ZNF385D: variants seen among roughly 807,000 people sequenced by gnomAD.
ZNF385D encodes the protein zinc finger protein 385D.
In ZNF385D, 15 loss-of-function variants were observed where a neutral mutation model predicts 35.8. The ratio of observed to expected loss-of-function variants is 0.42; its 90% CI spans 0.28 to 0.64. The LOEUF is 0.64. ZNF385D is among the 30% of genes least tolerant of loss of function. The pLI, the probability that ZNF385D is intolerant of heterozygous loss-of-function variation, is 0.23. For synonymous variants in ZNF385D, 212 were observed against 186.8 expected (o/e 1.13, Z -1.10); for missense variants, 474 against 494.6 (o/e 0.96, Z 0.39).
At chr3:22,021,130 T>C (rs749670194) in intron 3 of ZNF385D, among the ~76,000 whole-genome samples, 4 of 151,764 alleles carry the variant, frequency 2.6e-5, no homozygotes, top group Non-Finnish European at 5.9e-5. Flanking sequence ...TGGGGTTAGA[T>C]GAGAAACTAC....
chr3:22,143,952 T>A (rs1273125427), intron 3 of ZNF385D, among the ~76,000 whole-genome samples: 2 of 152,176 alleles, frequency 1.3e-5, no homozygotes, highest in Non-Finnish European at 2.9e-5. Flanking sequence ...GGCTTAAAAA[T>A]GTATAATAGG....
At chr3:21,432,268 T>C (rs78447220) in intron 5 of ZNF385D, among the ~76,000 whole-genome samples, 1 of 152,174 alleles carries the variant, frequency 6.6e-6, no homozygotes, top group African/African-American at 2.4e-5. Context: ...TAATCAATCT[T>C]ATCCTTCTTT....
At chr3:22,090,298 G>A (rs1480251710) in intron 3 of ZNF385D, among the ~76,000 whole-genome samples, 1 of 152,122 alleles carries the variant, frequency 6.6e-6, no homozygotes, top group Non-Finnish European at 1.5e-5. Context: ...TTACTACTGG[G>A]AAATGGGATA....
At chr3:22,172,805 C>A (rs957672367) in intron 2 of ZNF385D, among the ~76,000 whole-genome samples, 1 of 152,186 alleles carries the variant, frequency 6.6e-6, no homozygotes, top group Non-Finnish European at 1.5e-5. Context: ...AGATACCAAA[C>A]TCTCATTTAG....
intron 2 of ZNF385D, among the ~76,000 whole-genome samples, chr3:22,246,571 C>G (rs902925346): frequency 1.3e-5 from 2 of 152,124 alleles, no homozygotes; most frequent in South Asian, 4.1e-4. Flanking sequence ...TGCTATAAAA[C>G]TAACTGAAAT....
At chr3:22,315,557 A>G (rs1339658332) in intron 2 of ZNF385D, among the ~76,000 whole-genome samples, 1 of 152,090 alleles carries the variant, frequency 6.6e-6, no homozygotes, top group Non-Finnish European at 1.5e-5. Flanking sequence ...ATGGCTGGGG[A>G]AAACATAAAT....
At chr3:22,168,031 T>C (rs1429661882) in intron 3 of ZNF385D, among the ~76,000 whole-genome samples, 2 of 152,232 alleles carry the variant, frequency 1.3e-5, no homozygotes, top group African/African-American at 4.8e-5. Context: ...ATCTTTATGA[T>C]GTCAAATATA....
At chr3:21,815,835 C>T (rs1307686617) in intron 3 of ZNF385D, among the ~76,000 whole-genome samples, 1 of 152,106 alleles carries the variant, frequency 6.6e-6, no homozygotes, top group Non-Finnish European at 1.5e-5. Context: ...TTTTATGAGG[C>T]CAGCATCATT....
chr3:22,112,551 T>A lies in ZNF385D; in HGVS notation c.325+56266A>T, dbSNP rs764292214. The stretch of plus-strand genomic sequence containing the variant: ...GTATGTAAATCTATTAATATTGCAG[T>A]TTTGTAATTATCCACATCAGCTATG... On this transcript the variant is annotated intron_variant, in intron 3 of 5. Coordinates refer to the ZNF385D transcript ENST00000494108. Among the ~76,000 whole-genome samples the A allele has an allele frequency of 2.6e-5, 4 of 152,268 alleles. No individual in the cohort carries two copies. The East Asian group carries it at 7.7e-4, about 29-fold the overall frequency.
chr3:21,978,052 A>G (rs1294184889), intron 3 of ZNF385D, among the ~76,000 whole-genome samples: 1 of 152,202 alleles, frequency 6.6e-6, no homozygotes, highest in African/African-American at 2.4e-5. Flanking sequence ...GAATTCATAA[A>G]TAAACAATAT....
chr3:21,923,544 A>C lies in ZNF385D; in HGVS notation c.325+245273T>G, dbSNP rs549490624. 1.5e-4 allele frequency among the ~76,000 whole-genome samples: 23 copies of C among 152,300 alleles called. No homozygotes were observed. In the South Asian group the frequency reaches 4.8e-3, roughly 32 times the overall value. On this transcript the variant is annotated intron_variant, in intron 3 of 5. Transcript: ENST00000494108. ...AAGAAAACAAATCATTCTATCAAAA[A>C]CACACATGCACTTGCATGTTCCTCA...
Position 22,320,946 on chromosome 3 carries a change from C to T in ZNF385D, c.106+51504G>A, listed in dbSNP as rs114338165. 2.5e-3 allele frequency among the ~76,000 whole-genome samples: 381 copies of T among 151,720 alleles called. 2 individuals are homozygous for T. Among genetic ancestry groups the T allele is most frequent in the African/African-American group, 8.9e-3 (368 of 41,414 alleles). Reference sequence around the variant, plus strand: ...GATTGTTATTGGAAGAAAAATGGATCGTTAACAAAAGTAAACATTTTTTTG... The same window carrying T: ...GATTGTTATTGGAAGAAAAATGGATTGTTAACAAAAGTAAACATTTTTTTG... On this transcript the variant is annotated intron_variant, in intron 2 of 5. Coordinates refer to the ZNF385D transcript ENST00000494108.
At position 21,684,403 on chromosome 3, in the gene ZNF385D, TC is replaced by T. The variant is rs11291858; in HGVS notation, c.23-19376del. On this transcript the variant is annotated intron_variant, in intron 1 of 7. Transcript: ENST00000281523. ...CTCTCTCTCTCTCTCTCTCTCTCTC[TC>T]CTCTCTCTCTCTCTCTCTCTCTCTC... Among the ~76,000 whole-genome samples, 481 of 70,712 alleles carry T rather than the reference TC, an allele frequency of 6.8e-3. 33 individuals carry two copies. The highest frequency in any genetic ancestry group is 0.022 in the South Asian group (40 of 1,782). 46.4% of individuals were successfully genotyped at this position (70,712 alleles called of 152,430 possible). A position where few individuals can be genotyped will look rare whatever the true frequency, so the allele number is the denominator to read the frequency against.
intron 2 of ZNF385D, among the ~76,000 whole-genome samples, chr3:22,260,749 TAC>T (rs1700585018): frequency 6.6e-6 from 1 of 152,030 alleles, no homozygotes; most frequent in South Asian, 2.1e-4. Flanking sequence ...CTAATTCAAC[TAC>T]AAAGTTTTAG....
intron 3 of ZNF385D, among the ~76,000 whole-genome samples, chr3:22,123,903 A>T (rs1483239398): frequency 6.8e-6 from 1 of 147,690 alleles, no homozygotes; most frequent in Non-Finnish European, 1.5e-5. Context: ...AAACAAAACA[A>T]AAACTAGAGC....
At chr3:22,190,996 A>T (rs1181310698) in intron 2 of ZNF385D, among the ~76,000 whole-genome samples, 1 of 152,286 alleles carries the variant, frequency 6.6e-6, no homozygotes, top group South Asian at 2.1e-4. Flanking sequence ...GCTGTTATTC[A>T]TCTATAAGAA....
chr3:21,773,240 A>C (rs1374234559), intron 3 of ZNF385D, among the ~76,000 whole-genome samples: 1 of 151,524 alleles, frequency 6.6e-6, no homozygotes, highest in Non-Finnish European at 1.5e-5. Context: ...ACAAAAATAA[A>C]ATTGGAAAGA....
At position 21,635,506 on chromosome 3, in the gene ZNF385D, T is replaced by C. The variant is rs1456665928; in HGVS notation, c.165+29380A>G. Among the ~76,000 whole-genome samples, 3 of 152,032 alleles carry C rather than the reference T, an allele frequency of 2.0e-5. No individual in the cohort carries two copies. In the East Asian group the frequency reaches 5.8e-4, roughly 29 times the overall value. On this transcript the variant is annotated intron_variant, in intron 2 of 7. Transcript: ENST00000281523. ...AAGGTGCCTGGGACAGGATTTCAGC[T>C]CAGGCAATGTAGTTCCAGAGTCACT... is the stretch of plus-strand genomic sequence containing the variant.
At chr3:22,372,637 CGAGCCG>C in exon 2 of ZNF385D, 1 of 394,554 alleles carries the variant, frequency 2.5e-6, no homozygotes, top group Non-Finnish European at 3.4e-6. Flanking sequence ...GTGGTCGCCG[CGAGCCG>C]TGAGCGGCGG....
Sources: allele counts gnomAD v4.1 joint callset (sites outside exome capture counted in the v4.1 genomes callset), GRCh38; gene constraint gnomAD v4.1.1; transcripts MANE v1.5; gene names NCBI Gene and HGNC (gene_info 2026-07-23, HGNC 2026-07-21).